Variants in SNTG2 observed in about 807,000 individuals in gnomAD.
SNTG2 encodes the protein gamma-2-syntrophin.
SNTG2 carries 74 observed loss-of-function variants against 70.9 expected under a neutral mutation model. The ratio of observed to expected loss-of-function variants is 1.04; its 90% CI spans 0.86 to 1.27. The LOEUF (loss-of-function observed/expected upper bound fraction) is 1.27. Among genes scored for constraint, SNTG2 ranks in the 50% most tolerant of loss-of-function variants. The probability of loss-of-function intolerance (pLI) is 0.00; values close to 1 mark genes in which losing one functional copy is unlikely to be tolerated. For missense variants in SNTG2, 717 were observed against 690.7 expected, an observed-to-expected ratio of 1.04 and a Z score of -0.43; for synonymous variants, 278 against 273.8, an observed-to-expected ratio of 1.02 and a Z score of -0.15.
intron 1 of SNTG2, among the ~76,000 whole-genome samples, chr2:1,017,086 C>T (rs1311805322): frequency 6.6e-6 from 1 of 152,136 alleles, no homozygotes; most frequent in Admixed American, 6.6e-5. Flanking sequence ...AATCTTGTGG[C>T]AGTGAGTATA....
chr2:1,061,690 T>G (rs746052736), intron 1 of SNTG2, among the ~76,000 whole-genome samples: 2 of 152,174 alleles, frequency 1.3e-5, no homozygotes, highest in African/African-American at 2.4e-5. Context: ...AGTCCTTTAG[T>G]CCTTTGTCTC....
Position 1,028,067 on chromosome 2 carries a change from T to G in SNTG2, c.73-55451T>G, listed in dbSNP as rs570267976. On this transcript the variant is annotated intron_variant, in intron 1 of 16. Coordinates refer to ENST00000308624, the MANE Select transcript of SNTG2 (RefSeq NM_018968.4). ...AGTAAAGAGATAAGCAGGTGCATCATTGAAGGTGCCTCTGACCCACAGGCA... is the reference window on the plus strand; with the variant it reads ...AGTAAAGAGATAAGCAGGTGCATCAGTGAAGGTGCCTCTGACCCACAGGCA... Among the ~76,000 whole-genome samples the G allele has an allele frequency of 2.1e-3, 299 of 143,164 alleles. 2 individuals are homozygous for G. The highest frequency in any genetic ancestry group is 7.3e-3 in the African/African-American group (279 of 37,980). 93.9% of individuals were successfully genotyped at this position (143,164 alleles called of 152,430 possible). A position where few individuals can be genotyped will look rare whatever the true frequency, so the allele number is the denominator to read the frequency against.
chr2:1,296,755 C>T (rs947725349), intron 14 of SNTG2, among the ~76,000 whole-genome samples: 7 of 152,220 alleles, frequency 4.6e-5, no homozygotes, highest in East Asian at 1.9e-4. Flanking sequence ...CTCCCCAGCA[C>T]GCTCTTTAGG....
intron 13 of SNTG2, chr2:1,262,711 C>T (rs1048438030): frequency 7.0e-5 from 7 of 99,412 alleles, no homozygotes; most frequent in African/African-American, 1.4e-4. Flanking sequence ...ACGAGGCAAC[C>T]GGAAGGCTCC....
chr2:1,099,681 T>TGATGGTCAGGTCCTCTGAAGGTGGG (rs1385707561), intron 4 of SNTG2, among the ~76,000 whole-genome samples: 44 of 65,252 alleles, frequency 6.7e-4, no homozygotes, highest in South Asian at 2.5e-3. Flanking sequence ...GTGAGGGCAG[T>TGATGGTCAGGTCCTCTGAAGGTGGG]TGTGGTGAGG....
Position 1,202,454 on chromosome 2 carries a change from A to G in SNTG2, c.592-6649A>G, listed in dbSNP as rs1236738712. On this transcript the variant is annotated intron_variant, in intron 8 of 16. Coordinates refer to ENST00000308624, the MANE Select transcript of SNTG2 (RefSeq NM_018968.4). ...ACCCCTACAGTCAATGAGGAGATAA[A>G]AGAGGATCGTGAAAAAAAAATGATT... 1.4e-5 allele frequency among the ~76,000 whole-genome samples: 2 copies of G among 146,324 alleles called. 1 individual carries two copies.
At chr2:959,777 A>G (rs2147944258) in intron 1 of SNTG2, among the ~76,000 whole-genome samples, 1 of 151,332 alleles carries the variant, frequency 6.6e-6, no homozygotes, top group African/African-American at 2.4e-5. Flanking sequence ...GAATCTTCCT[A>G]TCCCCTTCTT....
intron 1 of SNTG2, among the ~76,000 whole-genome samples, chr2:1,028,527 G>A (rs990291777): frequency 2.6e-5 from 4 of 152,174 alleles, no homozygotes; most frequent in Non-Finnish European, 4.4e-5. Flanking sequence ...CCCTCTAGAC[G>A]GGAGGCCTGG....
Position 1,078,180 on chromosome 2 carries a change from C to T in SNTG2, c.73-5338C>T, listed in dbSNP as rs558379087. Among the ~76,000 whole-genome samples the T allele has an allele frequency of 6.4e-4, 97 of 152,302 alleles. 1 individual carries two copies. The highest frequency in any genetic ancestry group is 2.2e-3 in the African/African-American group (92 of 41,562). On this transcript the variant is annotated intron_variant, in intron 1 of 16. Transcript: ENST00000308624. ...CGTTTGAGAACTGTCTTGTGCCCCT[C>T]GGATATGCCAGGCTGGGCTGTAGAA...
At chr2:1,215,096 G>T (rs544223315) in intron 9 of SNTG2, among the ~76,000 whole-genome samples, 1 of 152,296 alleles carries the variant, frequency 6.6e-6, no homozygotes, top group East Asian at 1.9e-4. Context: ...ACTTGATCAT[G>T]GTGACTGATC....
At chr2:1,123,100 T>G (rs1026687622) in intron 4 of SNTG2, among the ~76,000 whole-genome samples, 6 of 152,178 alleles carry the variant, frequency 3.9e-5, no homozygotes, top group Admixed American at 3.9e-4. Context: ...TGGGCTCATG[T>G]CTGGGCTCAT....
intron 4 of SNTG2, among the ~76,000 whole-genome samples, chr2:1,099,438 A>C (rs1665617679): frequency 6.6e-6 from 1 of 152,240 alleles, no homozygotes; most frequent in Admixed American, 6.5e-5. Context: ...TGAAAAGCAC[A>C]GAATAAGCTC....
At chr2:1,215,909 A>G (rs1674359291) in intron 9 of SNTG2, among the ~76,000 whole-genome samples, 1 of 152,022 alleles carries the variant, frequency 6.6e-6, no homozygotes, top group South Asian at 2.1e-4. Context: ...GCTGCATGGT[A>G]TTTCATGGTG....
At chr2:1,155,072 C>T (rs183822759) in intron 6 of SNTG2, among the ~76,000 whole-genome samples, 97 of 150,676 alleles carry the variant, frequency 6.4e-4, no homozygotes, top group African/African-American at 2.2e-3. Flanking sequence ...AAACCACACA[C>T]ACAGCACACA....
Position 1,239,792 on chromosome 2 carries a change from T to C in SNTG2, c.888+16T>C. On this transcript the variant is annotated intron_variant, in intron 11 of 16. Transcript: ENST00000308624. Reference sequence around the variant, plus strand: ...TTCCGACCAGGTAGGGTTTGTATTTTCTGCTTCATGATGTAACACATCAGG... The same window carrying C: ...TTCCGACCAGGTAGGGTTTGTATTTCCTGCTTCATGATGTAACACATCAGG... 1.2e-6 allele frequency: 2 copies of C among 1,612,574 alleles called. No individual in the cohort carries two copies. The highest frequency in any genetic ancestry group is 1.7e-6 in the Non-Finnish European group (2 of 1,179,366).
chr2:1,104,088 C>A (rs192296459), intron 4 of SNTG2, among the ~76,000 whole-genome samples: 1 of 152,152 alleles, frequency 6.6e-6, no homozygotes, highest in Non-Finnish European at 1.5e-5. Flanking sequence ...GACACTGAGG[C>A]AAATATATGT....
At chr2:1,203,673 A>ATATATAT (rs1553355185) in intron 8 of SNTG2, among the ~76,000 whole-genome samples, 33 of 115,532 alleles carry the variant, frequency 2.9e-4, no homozygotes, top group African/African-American at 1.0e-3. Flanking sequence ...CAAAAAAAAA[A>ATATATAT]ATATATATAT....
chr2:1,192,186 G>A (rs749558203), intron 8 of SNTG2, among the ~76,000 whole-genome samples: 110 of 152,328 alleles, frequency 7.2e-4, no homozygotes, highest in Non-Finnish European at 1.6e-3. Flanking sequence ...CAGATGATGT[G>A]GGGCAGAGGG....
intron 1 of SNTG2, among the ~76,000 whole-genome samples, chr2:1,065,170 G>C (rs760736373): frequency 1.3e-5 from 2 of 152,142 alleles, no homozygotes; most frequent in African/African-American, 2.4e-5. Flanking sequence ...GAAACAGGGA[G>C]TCTTCATGGA....
Sources: gnomAD v4.1 joint callset for allele counts (sites outside exome capture counted in the v4.1 genomes callset) on GRCh38, gnomAD v4.1.1 for gene constraint, MANE v1.5 for transcripts, NCBI Gene and HGNC (gene_info 2026-07-23, HGNC 2026-07-21) for gene names.